TANGO6: variants seen among roughly 807,000 people sequenced by gnomAD.
The protein encoded by TANGO6 is transport and Golgi organization protein 6 homolog.
Under a neutral mutation model 114.2 loss-of-function variants are expected in TANGO6, and 90 were observed. The ratio of observed to expected loss-of-function variants is 0.79; its 90% CI spans 0.66 to 0.94. TANGO6 has a LOEUF of 0.94. Among genes scored for constraint, TANGO6 ranks in the 40% least tolerant of loss-of-function variants. The probability of loss-of-function intolerance (pLI) is 0.00; values close to 1 mark genes in which losing one functional copy is unlikely to be tolerated. For missense variants in TANGO6, 1,274 were observed against 1,315.3 expected (o/e 0.97, Z 0.49); for synonymous variants, 477 against 509.8 (o/e 0.94, Z 0.87).
At chr16:69,021,505 T>G (rs1959404990) in intron 15 of TANGO6, among the ~76,000 whole-genome samples, 1 of 152,158 alleles carries the variant, frequency 6.6e-6, no homozygotes, top group Non-Finnish European at 1.5e-5. Context: ...CCTTCTAACA[T>G]TCTATCTAAT....
chr16:68,884,215 C>G (rs1333116585), intron 7 of TANGO6, among the ~76,000 whole-genome samples: 1 of 152,124 alleles, frequency 6.6e-6, no homozygotes, highest in African/African-American at 2.4e-5. Flanking sequence ...CGGCCTCACT[C>G]ACTTTATTTG....
chr16:68,906,095 G>A (rs540177029), intron 9 of TANGO6, among the ~76,000 whole-genome samples: 77 of 151,408 alleles, frequency 5.1e-4, no homozygotes, highest in Non-Finnish European at 7.4e-4. Flanking sequence ...CAGGAGAATC[G>A]CTTGAACCCA....
intron 7 of TANGO6, among the ~76,000 whole-genome samples, chr16:68,891,924 G>C (rs1962627719): frequency 2.0e-5 from 3 of 146,354 alleles, no homozygotes; most frequent in South Asian, 4.5e-4. Flanking sequence ...GGAAGGCAGG[G>C]AGGAGGGAGG....
intron 15 of TANGO6, among the ~76,000 whole-genome samples, chr16:68,984,485 A>T (rs568077321): frequency 6.6e-6 from 1 of 151,892 alleles, no homozygotes; most frequent in Non-Finnish European, 1.5e-5. Flanking sequence ...GGAAAAGTCT[A>T]TAGATTGAAC....
At chr16:69,078,150 A>G (rs978797233) in intron 17 of TANGO6, among the ~76,000 whole-genome samples, 4 of 152,300 alleles carry the variant, frequency 2.6e-5, no homozygotes, top group Non-Finnish European at 5.9e-5. Context: ...TAGCATATGC[A>G]AAGGCCTTGA....
Position 69,083,821 on chromosome 16 carries a change from T to A in TANGO6, c.*160T>A, listed in dbSNP as rs140856205. On this transcript the variant is annotated 3_prime_UTR_variant, in exon 18 of 18. Transcript: ENST00000261778. ...GGTCACTTGGGTCTTCAGGGTCCCT[T>A]CCGAGGGCATGTGTTCAGCACTCCC... 1,028 of 699,540 alleles carry A rather than the reference T, an allele frequency of 1.5e-3. 3 individuals are homozygous for A. The African/African-American group carries it at 0.018, about 12-fold the overall frequency. 43.3% of individuals were successfully genotyped at this position (699,540 alleles called of 1,614,324 possible).
At chr16:69,040,267 A>C in intron 16 of TANGO6, 41 bp from the exon 17 acceptor site, 2 of 1,520,260 alleles carry the variant, frequency 1.3e-6, no homozygotes, top group Non-Finnish European at 1.8e-6. Flanking sequence ...TAATTGTGCA[A>C]CTCTGATTCT....
At chr16:68,950,514 G>A (rs1325841665) in intron 14 of TANGO6, among the ~76,000 whole-genome samples, 2 of 151,278 alleles carry the variant, frequency 1.3e-5, no homozygotes, top group Non-Finnish European at 2.9e-5. Context: ...GCAGTGAGCC[G>A]AGATCGAGCC....
chr16:68,963,730 T>C (rs1963617348), intron 14 of TANGO6, among the ~76,000 whole-genome samples: 1 of 152,252 alleles, frequency 6.6e-6, no homozygotes, highest in Non-Finnish European at 1.5e-5. Context: ...TGTTATTCAG[T>C]GCTGAGCCTA....
intron 11 of TANGO6, among the ~76,000 whole-genome samples, chr16:68,910,387 T>G (rs1962906518): frequency 6.6e-6 from 1 of 152,224 alleles, no homozygotes; most frequent in African/African-American, 2.4e-5. Context: ...GTTTCTCCTG[T>G]GTTTATATCC....
At chr16:69,045,962 G>A (rs2152235802) in intron 17 of TANGO6, among the ~76,000 whole-genome samples, 1 of 150,244 alleles carries the variant, frequency 6.7e-6, no homozygotes, top group Admixed American at 6.7e-5. Flanking sequence ...TACTCAGGAG[G>A]CTGAGGCAGG....
rs1962409963 is a variant in TANGO6, at chr16:68,878,731, G to A, written c.1294+451G>A. On this transcript the variant is annotated intron_variant, in intron 6 of 17. Transcript: ENST00000261778. ...AAATTCCATTCAAACTTCTCTAATTGTTTCAATAATTTGTTTTAGAGCTAT... is the reference window on the plus strand; with the variant it reads ...AAATTCCATTCAAACTTCTCTAATTATTTCAATAATTTGTTTTAGAGCTAT... 2.0e-5 allele frequency among the ~76,000 whole-genome samples: 3 copies of A among 151,848 alleles called. No homozygotes were observed. In the South Asian group the frequency reaches 6.2e-4, roughly 32 times the overall value.
chr16:68,920,904 G>A (rs1963081713), intron 12 of TANGO6, among the ~76,000 whole-genome samples: 1 of 151,788 alleles, frequency 6.6e-6, no homozygotes, highest in East Asian at 2.0e-4. Context: ...AGGAGGTCAG[G>A]AGATCGAGAC....
At chr16:68,857,179 C>G (rs906104183) in intron 1 of TANGO6, among the ~76,000 whole-genome samples, 1 of 152,158 alleles carries the variant, frequency 6.6e-6, no homozygotes, top group Non-Finnish European at 1.5e-5. Flanking sequence ...GATCTCTTGG[C>G]TACTCCTGAT....
intron 17 of TANGO6, among the ~76,000 whole-genome samples, chr16:69,073,199 C>A (rs1212429062): frequency 6.6e-6 from 1 of 152,124 alleles, no homozygotes; most frequent in Non-Finnish European, 1.5e-5. Context: ...TTGGAAACTG[C>A]CTTCTTTTTG....
chr16:69,059,133 G>A (rs1012469287), intron 17 of TANGO6, among the ~76,000 whole-genome samples: 2 of 149,620 alleles, frequency 1.3e-5, no homozygotes, highest in Admixed American at 1.3e-4. Flanking sequence ...GGAGTGCATT[G>A]GCGCTATCAT....
At chr16:69,021,265 C>T (rs1959400738) in intron 15 of TANGO6, among the ~76,000 whole-genome samples, 1 of 152,064 alleles carries the variant, frequency 6.6e-6, no homozygotes, top group South Asian at 2.1e-4. Flanking sequence ...TCAGACATGC[C>T]AGGCGTGCTC....
chr16:68,937,680 A>G (rs1567544197), intron 14 of TANGO6: 1 of 152,060 alleles, frequency 6.6e-6, no homozygotes, highest in African/African-American at 2.4e-5. Context: ...CTTTAGCATA[A>G]TGTTTTTGAG....
At position 68,868,492 on chromosome 16, in the gene TANGO6, A is replaced by ATTTTTTTTTTTTT. The variant is rs765054621; in HGVS notation, c.994+1283_994+1295dup. Reference sequence around the variant, plus strand: ...TTCTGGTATTTACCTCTATATTTCTATTTTTTTTTTTTTTTTTTTTTTTGA... The same window carrying ATTTTTTTTTTTTT: ...TTCTGGTATTTACCTCTATATTTCTATTTTTTTTTTTTTTTTTTTTTTTTTTTTTTTTTTTTGA... On this transcript the variant is annotated intron_variant, in intron 4 of 17. Coordinates refer to ENST00000261778, the MANE Select transcript of TANGO6 (RefSeq NM_024562.2). Among the ~76,000 whole-genome samples, 67 of 93,678 alleles carry ATTTTTTTTTTTTT rather than the reference A, an allele frequency of 7.2e-4. 1 individual carries two copies. The highest frequency in any genetic ancestry group is 1.2e-3 in the Non-Finnish European group (56 of 48,210). 61.5% of individuals were successfully genotyped at this position (93,678 alleles called of 152,430 possible). A position where few individuals can be genotyped will look rare whatever the true frequency, so the allele number is the denominator to read the frequency against.
Sources: allele counts gnomAD v4.1 joint callset (sites outside exome capture counted in the v4.1 genomes callset), GRCh38; gene constraint gnomAD v4.1.1; transcripts MANE v1.5; gene names NCBI Gene and HGNC (gene_info 2026-07-23, HGNC 2026-07-21).